Variants in LRP6 observed in about 807,000 individuals in gnomAD.
The protein encoded by LRP6 is low-density lipoprotein receptor-related protein 6.
In LRP6, 43 loss-of-function variants were observed where a neutral mutation model predicts 184.1. The ratio of observed to expected loss-of-function variants is 0.23; its 90% confidence interval spans 0.18 to 0.30. The LOEUF is 0.30. Among genes scored for constraint, LRP6 ranks in the 10% least tolerant of loss-of-function variants. The pLI is 1.00. For missense variants in LRP6, 1,571 were observed against 2,005.3 expected (o/e 0.78, Z 4.14); for synonymous variants, 719 against 684.9 (o/e 1.05, Z -0.78).
chr12:12,255,855 C>T (rs182061899), intron 1 of LRP6, among the ~76,000 whole-genome samples: 19 of 152,184 alleles, frequency 1.2e-4, no homozygotes, highest in Non-Finnish European at 2.2e-4. Flanking sequence ...CAGGTGTGAG[C>T]CACTGCACCT....
chr12:12,253,023 G>C (rs1275662138), intron 1 of LRP6, among the ~76,000 whole-genome samples: 3 of 152,164 alleles, frequency 2.0e-5, no homozygotes, highest in African/African-American at 4.8e-5. Context: ...CAGCACTTTG[G>C]GGGGCTGATG....
chr12:12,170,296 C>A (rs1256199874), intron 7 of LRP6, among the ~76,000 whole-genome samples: 1 of 152,130 alleles, frequency 6.6e-6, no homozygotes, highest in Non-Finnish European at 1.5e-5. Context: ...CGCACCACTG[C>A]ACTTCAGTCT....
chr12:12,147,627 A>G, intron 14 of LRP6, 71 bp from the exon 15 acceptor site: 1 of 1,171,624 alleles, frequency 8.5e-7, no homozygotes, highest in Non-Finnish European at 1.3e-6. Context: ...ATTCTTATTA[A>G]GACAAATGGA....
At chr12:12,195,217 G>T (rs1863721256) in intron 3 of LRP6, among the ~76,000 whole-genome samples, 1 of 152,170 alleles carries the variant, frequency 6.6e-6, no homozygotes, top group African/African-American at 2.4e-5. Flanking sequence ...TAAATGCCAA[G>T]TAGTGGGACT....
At chr12:12,207,046 T>C (rs1031516256) in intron 2 of LRP6, among the ~76,000 whole-genome samples, 2 of 152,202 alleles carry the variant, frequency 1.3e-5, no homozygotes, top group Non-Finnish European at 2.9e-5. Flanking sequence ...ATAAGAACTG[T>C]GGTATTTTAG....
intron 1 of LRP6, among the ~76,000 whole-genome samples, chr12:12,257,017 C>A (rs1215518355): frequency 1.3e-5 from 2 of 152,052 alleles, no homozygotes; most frequent in African/African-American, 4.8e-5. Flanking sequence ...ACACAAAAGG[C>A]CACATATTTT....
At chr12:12,250,802 T>C (rs563115324) in intron 1 of LRP6, among the ~76,000 whole-genome samples, 1 of 152,144 alleles carries the variant, frequency 6.6e-6, no homozygotes, top group South Asian at 2.1e-4. Context: ...TTTGTATTTT[T>C]AGTAGAGGCA....
intron 2 of LRP6, among the ~76,000 whole-genome samples, chr12:12,231,683 T>G (rs955402254): frequency 1.4e-5 from 2 of 147,088 alleles, no homozygotes; most frequent in South Asian, 2.2e-4. Context: ...CAGGAAACGG[T>G]TTTTTTTTTG....
intron 2 of LRP6, among the ~76,000 whole-genome samples, chr12:12,229,036 T>C (rs768057917): frequency 1.3e-5 from 2 of 152,174 alleles, no homozygotes; most frequent in Admixed American, 6.5e-5. Context: ...ATTCTCAAGA[T>C]CTGCTAGGAT....
chr12:12,179,786 A>C (rs375582443), intron 7 of LRP6, 24 bp downstream of exon 7: 1 of 1,612,400 alleles, frequency 6.2e-7, no homozygotes, highest in African/African-American at 1.3e-5. Context: ...AAGTGGCTTG[A>C]AAATGAAAAA....
chr12:12,180,236 ACTTC>A (rs1863309568), intron 6 of LRP6, among the ~76,000 whole-genome samples: 1 of 128,642 alleles, frequency 7.8e-6, no homozygotes, highest in Non-Finnish European at 1.6e-5. Flanking sequence ...TTACAGTTTT[ACTTC>A]TTTTTTTTTT....
At chr12:12,214,262 A>C (rs1864283995) in intron 2 of LRP6, among the ~76,000 whole-genome samples, 1 of 152,202 alleles carries the variant, frequency 6.6e-6, no homozygotes, top group African/African-American at 2.4e-5. Context: ...AACAAGAAAA[A>C]GGAAATTTTC....
At chr12:12,223,725 C>T (rs1343996107) in intron 2 of LRP6, among the ~76,000 whole-genome samples, 1 of 152,124 alleles carries the variant, frequency 6.6e-6, no homozygotes, top group African/African-American at 2.4e-5. Flanking sequence ...AATCAACTAA[C>T]CTTATTTAAA....
chr12:12,185,123 A>C (rs936685267), intron 4 of LRP6, among the ~76,000 whole-genome samples: 1 of 152,058 alleles, frequency 6.6e-6, no homozygotes, highest in Non-Finnish European at 1.5e-5. Flanking sequence ...ACATGGTGAG[A>C]CCCTACCTCT....
At chr12:12,183,592 T>C (rs576352240) in intron 5 of LRP6, among the ~76,000 whole-genome samples, 1 of 152,232 alleles carries the variant, frequency 6.6e-6, no homozygotes, top group Non-Finnish European at 1.5e-5. Flanking sequence ...ATGATATTCT[T>C]TGTAGCTAAA....
Position 12,118,400 on chromosome 12 carries a change from T to G in LRP6, c.*2726A>C, listed in dbSNP as rs1055966674. The G allele has an allele frequency of 6.6e-6, 1 of 152,230 alleles. No individual in the cohort carries two copies. Among genetic ancestry groups the G allele is most frequent in the Admixed American group, 6.5e-5 (1 of 15,282 alleles). 9.4% of individuals were successfully genotyped at this position (152,230 alleles called of 1,614,324 possible). Reference sequence around the variant, plus strand: ...GCTCAAGTTTATTTCTTGGACAATTTTAATCACATCAGTTAGTGCATATAT... The same window carrying G: ...GCTCAAGTTTATTTCTTGGACAATTGTAATCACATCAGTTAGTGCATATAT... On this transcript the variant is annotated 3_prime_UTR_variant, in exon 23 of 23. Transcript: ENST00000261349.
chr12:12,145,572 C>A (rs1949993973), intron 15 of LRP6, among the ~76,000 whole-genome samples: 2 of 124,038 alleles, frequency 1.6e-5, no homozygotes, highest in Non-Finnish European at 3.2e-5. Context: ...TGTTGAAGAA[C>A]CTGAGATCTG....
rs991026577 is a variant in LRP6 at position 12,177,892 on chromosome 12, AG to A, written c.1545+1917del. Among the ~76,000 whole-genome samples, 81 of 151,792 alleles carry A rather than the reference AG, an allele frequency of 5.3e-4. 1 individual carries two copies. The highest frequency in any genetic ancestry group is 1.8e-3 in the African/African-American group (75 of 41,100). On this transcript the variant is annotated intron_variant, in intron 7 of 22. Coordinates refer to ENST00000261349, the MANE Select transcript of LRP6 (RefSeq NM_002336.3). ...GCAGATTAAAAGAACGAATGAATGAAGGAACAAATGAACGAATGAACGAATG... is the reference window on the plus strand; with the variant it reads ...GCAGATTAAAAGAACGAATGAATGAAGAACAAATGAACGAATGAACGAATG...
At chr12:12,177,776 G>C in intron 7 of LRP6, among the ~76,000 whole-genome samples, 1 of 152,018 alleles carries the variant, frequency 6.6e-6, no homozygotes, top group East Asian at 1.9e-4. Flanking sequence ...TCTATAAAAA[G>C]GGGACAAAAA....
Sources: allele counts gnomAD v4.1 joint callset (sites outside exome capture counted in the v4.1 genomes callset), GRCh38; gene constraint gnomAD v4.1.1; transcripts MANE v1.5; gene names NCBI Gene and HGNC (gene_info 2026-07-23, HGNC 2026-07-21).